The following PHAF1 variants were observed in gnomAD, a reference collection of about 807,000 sequenced individuals.
The protein encoded by PHAF1 is phagosome assembly factor 1.
PHAF1 carries 23 observed loss-of-function variants against 63.1 expected under a neutral mutation model. That is an observed-to-expected ratio of 0.36 (90% confidence interval 0.26 to 0.52). The LOEUF (loss-of-function observed/expected upper bound fraction) is 0.52. Ranked by LOEUF, PHAF1 falls within the 20% of genes least tolerant of loss-of-function variation. The pLI is 0.93. For synonymous variants in PHAF1, 167 were observed against 185.0 expected, an observed-to-expected ratio of 0.90 and a Z score of 0.79; for missense variants, 427 against 517.2, an observed-to-expected ratio of 0.83 and a Z score of 1.69.
intron 3 of PHAF1, among the ~76,000 whole-genome samples, chr16:67,130,933 G>C (rs966131066): frequency 3.3e-5 from 5 of 152,142 alleles, no homozygotes. Flanking sequence ...TTATGCTGAA[G>C]GGGAAACTGG....
chr16:67,113,452 T>C (rs1028881448), intron 1 of PHAF1, among the ~76,000 whole-genome samples: 9 of 140,256 alleles, frequency 6.4e-5, no homozygotes, highest in Non-Finnish European at 1.1e-4. Context: ...TTTCTTTTTC[T>C]TTTTTTTTTT....
At chr16:67,113,278 G>A (rs1962592427) in intron 1 of PHAF1, among the ~76,000 whole-genome samples, 1 of 152,072 alleles carries the variant, frequency 6.6e-6, no homozygotes, top group South Asian at 2.1e-4. Flanking sequence ...CAGCTCCTTG[G>A]CTGCCTTCCT....
intron 1 of PHAF1, among the ~76,000 whole-genome samples, chr16:67,112,904 C>T (rs1209022459): frequency 6.6e-6 from 1 of 152,074 alleles, no homozygotes; most frequent in African/African-American, 2.4e-5. Context: ...AGTCATTTTC[C>T]ACCTCTGTCA....
rs1963443118 is a variant in PHAF1, at chr16:67,132,525, G to A, written c.355G>A (p.Val119Met). ...DQSFGATHPGVYNSAEQLFHL... is the reference protein window; with the variant it reads ...DQSFGATHPGMYNSAEQLFHL... ...GTCTTTTGGCGCAACCCATCCTGGA[G>A]GTAAGCCAAGTCCATCTGATTCCTC... is the stretch of plus-strand genomic sequence containing the variant. Residue 119 changes from valine (V) to methionine (M), a missense_variant and splice_region_variant, in exon 5 of 16, where the codon GTG (valine) becomes ATG (methionine). Coordinates refer to ENST00000219139, the MANE Select transcript of PHAF1 (RefSeq NM_025187.5). 3 of 1,613,540 alleles carry A rather than the reference G, an allele frequency of 1.9e-6. No individual in the cohort carries two copies. Among genetic ancestry groups the A allele is most frequent in the Non-Finnish European group, 8.5e-7 (1 of 1,179,456 alleles).
intron 3 of PHAF1, among the ~76,000 whole-genome samples, chr16:67,130,114 T>G (rs897708804): frequency 3.3e-5 from 5 of 152,172 alleles, no homozygotes; most frequent in Non-Finnish European, 7.3e-5. Flanking sequence ...TGGCGCAATC[T>G]CCGCTCACTG....
intron 8 of PHAF1, among the ~76,000 whole-genome samples, chr16:67,136,529 G>C (rs12597880): frequency 1.5e-5 from 2 of 137,878 alleles, no homozygotes; most frequent in African/African-American, 5.8e-5. Flanking sequence ...TTGGGTTCCT[G>C]CATCAGTCTC....
intron 8 of PHAF1, chr16:67,136,106 C>G (rs1040560517): frequency 7.9e-5 from 12 of 152,120 alleles, no homozygotes; most frequent in African/African-American, 2.9e-4. Flanking sequence ...GAGTTCAAGA[C>G]CAGCCTGACC....
At chr16:67,131,728 C>T (rs1055076944) in intron 4 of PHAF1, among the ~76,000 whole-genome samples, 2 of 152,174 alleles carry the variant, frequency 1.3e-5, no homozygotes, top group Admixed American at 6.5e-5. Flanking sequence ...GAAGAGAATG[C>T]CAAAGAGACC....
At chr16:67,119,374 C>T (rs184123992) in intron 1 of PHAF1, among the ~76,000 whole-genome samples, 1 of 152,292 alleles carries the variant, frequency 6.6e-6, no homozygotes, top group Non-Finnish European at 1.5e-5. Context: ...CTCCCATCCC[C>T]TTCCATGCAT....
chr16:67,146,553 T>C (rs1156322685), intron 15 of PHAF1, among the ~76,000 whole-genome samples: 1 of 152,126 alleles, frequency 6.6e-6, no homozygotes, highest in Admixed American at 6.5e-5. Flanking sequence ...AAATCTGGGG[T>C]CACAGAGGCC....
chr16:67,133,019 T>C (rs1963467115), intron 6 of PHAF1, 108 bp downstream of exon 6: 1 of 918,608 alleles, frequency 1.1e-6, no homozygotes, highest in Non-Finnish European at 1.7e-6. Context: ...AGGCAGACTT[T>C]CTTTGGTTTC....
chr16:67,125,903 T>C (rs1339814798), intron 2 of PHAF1, 56 bp from the exon 3 acceptor site: 2 of 1,239,770 alleles, frequency 1.6e-6, no homozygotes, highest in Non-Finnish European at 2.4e-6. Flanking sequence ...AGGCTTTCAG[T>C]AGGTGCTTAG....
chr16:67,110,813 T>G (rs796454128), intron 1 of PHAF1, among the ~76,000 whole-genome samples: 3 of 152,178 alleles, frequency 2.0e-5, no homozygotes, highest in African/African-American at 7.2e-5. Flanking sequence ...CTTCTCTCTT[T>G]TTTTTCTTTT....
chr16:67,113,209 T>A (rs1338269152), intron 1 of PHAF1, among the ~76,000 whole-genome samples: 1 of 152,214 alleles, frequency 6.6e-6, no homozygotes, highest in Non-Finnish European at 1.5e-5. Flanking sequence ...CTTATTGGAA[T>A]CTGTGCAAAT....
intron 2 of PHAF1, among the ~76,000 whole-genome samples, chr16:67,121,221 G>A (rs1488096494): frequency 7.1e-5 from 10 of 140,848 alleles, no homozygotes; most frequent in Non-Finnish European, 1.5e-4. Context: ...ATGGAGTCTC[G>A]CTCTGTCGCC....
chr16:67,113,229 A>G (rs915505821), intron 1 of PHAF1, among the ~76,000 whole-genome samples: 5 of 152,170 alleles, frequency 3.3e-5, no homozygotes, highest in Non-Finnish European at 5.9e-5. Flanking sequence ...TGCAGATGCA[A>G]TTATCTGCCT....
intron 12 of PHAF1, 34 bp downstream of exon 12, chr16:67,144,911 G>A (rs760735319): frequency 1.9e-6 from 3 of 1,603,806 alleles, no homozygotes; most frequent in Admixed American, 3.3e-5. Flanking sequence ...TAAGGGAGGG[G>A]TTTTAGAGTC....
rs935290210 is a variant in PHAF1 at position 67,147,177 on chromosome 16, C to T, written c.*46C>T. The T allele has an allele frequency of 1.3e-6, 2 of 1,529,626 alleles. No individual in the cohort carries two copies. Among genetic ancestry groups the T allele is most frequent in the Non-Finnish European group, 1.8e-6 (2 of 1,104,000 alleles). The allele number at this position is 1,529,626 out of a possible 1,614,324, so 94.8% of individuals were successfully genotyped here. A position where few individuals can be genotyped will look rare whatever the true frequency, so the allele number is the denominator to read the frequency against. On this transcript the variant is annotated 3_prime_UTR_variant, in exon 16 of 16. Coordinates refer to ENST00000219139, the MANE Select transcript of PHAF1 (RefSeq NM_025187.5). ...CTCTGTCCCGTGGAACTGTGCATCA[C>T]ATCCTGCTCAGTGGGCCTCTGTACC...
chr16:67,145,663 C>G (rs1183427324), intron 14 of PHAF1, 35 bp downstream of exon 14: 2 of 1,595,876 alleles, frequency 1.3e-6, no homozygotes, highest in Non-Finnish European at 1.7e-6. Context: ...GCCACCCCAC[C>G]TGACTCCTCA....
Sources: gnomAD v4.1 joint callset for allele counts (sites outside exome capture counted in the v4.1 genomes callset) on GRCh38, gnomAD v4.1.1 for gene constraint, MANE v1.5 for transcripts, NCBI Gene and HGNC (gene_info 2026-07-23, HGNC 2026-07-21) for gene names.